The following TACC3 variants were observed in gnomAD, a reference collection of about 807,000 sequenced individuals.
TACC3 encodes transforming acidic coiled-coil-containing protein 3.
A neutral mutation model predicts 86.0 loss-of-function variants in TACC3; 52 were observed. The ratio of observed to expected loss-of-function variants is 0.60; its 90% CI spans 0.48 to 0.76. The LOEUF (loss-of-function observed/expected upper bound fraction) is 0.76. TACC3 is among the 30% of genes least tolerant of loss of function. The pLI is 0.00. For missense variants in TACC3, 1,120 were observed against 1,070.4 expected (o/e 1.05, Z -0.65); for synonymous variants, 512 against 430.0 (o/e 1.19, Z -2.36).
At position 1,728,601 on chromosome 4, in the gene TACC3, G is replaced by T. The variant is rs144517485; in HGVS notation, c.1199G>T (p.Arg400Leu). Residue 400 changes from arginine to leucine, a missense_variant, in exon 4 of 16, where the codon CGG becomes CTG. Transcript: ENST00000313288. ...GAGGACCCCCCCATGCCAGCTTCTC[G>T]GGGCTCTTACCACCTCGACTGGGAC... ...AGEDPPMPAS[R>L]GSYHLDWDKM... The T allele has an allele frequency of 8.7e-5, 141 of 1,613,908 alleles. No homozygotes were observed. The East Asian group carries it at 2.3e-3, about 26-fold the overall frequency.
At chr4:1,744,302 G>A in intron 13 of TACC3, 1 of 556,198 alleles carries the variant, frequency 1.8e-6, no homozygotes, top group Non-Finnish European at 3.2e-6. Flanking sequence ...TTCAGGCCCG[G>A]CATCTCAGGG....
At position 1,737,666 on chromosome 4, in the gene TACC3, C is replaced by A. The variant is rs1167514156; in HGVS notation, c.1905C>A (p.Asp635Glu). The A allele has an allele frequency of 1.3e-6, 2 of 1,550,334 alleles. No homozygotes were observed. The highest frequency in any genetic ancestry group is 1.7e-6 in the Non-Finnish European group (2 of 1,146,534). ...CCCTGTCCACCGGACCTATAGTGGA[C>A]CTGCTCCAGTACAGCCAGAAGGACC... ...GPPLSTGPIV[D>E]LLQYSQKDLD... Residue 635 changes from aspartate to glutamate, a missense_variant, in exon 10 of 16, where the codon GAC becomes GAA. Coordinates refer to ENST00000313288, the MANE Select transcript of TACC3 (RefSeq NM_006342.3).
chr4:1,727,745 C>T lies in TACC3; in HGVS notation c.343C>T (p.His115Tyr), dbSNP rs756315569. 6.3e-7 allele frequency: 1 copy of T among 1,598,508 alleles called. No individual in the cohort carries two copies. Among genetic ancestry groups the T allele is most frequent in the South Asian group, 1.1e-5 (1 of 89,752 alleles). Residue 115 changes from histidine (H) to tyrosine (Y), a missense_variant, in exon 4 of 16, where the codon CAT becomes TAT. Physicochemically the swap from His to Tyr is moderately conservative, Grantham distance 83. Coordinates refer to ENST00000313288, the MANE Select transcript of TACC3 (RefSeq NM_006342.3). ...LIKEVDAKTT[H>Y]GILQKPVEAD... ...CAAGGAAGTGGATGCCAAAACTACT[C>T]ATGGAATTCTACAGAAACCAGTGGA...
At chr4:1,724,718 G>A (rs1717600403) in intron 3 of TACC3, among the ~76,000 whole-genome samples, 1 of 151,672 alleles carries the variant, frequency 6.6e-6, no homozygotes, top group Non-Finnish European at 1.5e-5. Context: ...GGTGGGAAGG[G>A]ACCCCAGAGG....
At chr4:1,730,188 G>A (rs557944650) in intron 4 of TACC3, among the ~76,000 whole-genome samples, 5 of 152,206 alleles carry the variant, frequency 3.3e-5, no homozygotes, top group East Asian at 3.9e-4. Flanking sequence ...GCAGGCACCC[G>A]CCACCATGCC....
At position 1,728,275 on chromosome 4, in the gene TACC3, T is replaced by C; in HGVS notation, c.873T>C (p.Leu291=). The C allele has an allele frequency of 1.2e-6, 2 of 1,612,684 alleles. No homozygotes were observed. The highest frequency in any genetic ancestry group is 1.7e-6 in the Non-Finnish European group (2 of 1,179,968). The change falls in exon 4 of 16, where the codon CTT becomes CTC. Residue 291 remains leucine, a synonymous_variant. Transcript: ENST00000313288. ...TPVPADGTQT[L]TCAHTSAPES... ...TGCCAGCAGATGGCACTCAGACCCT[T>C]ACCTGTGCACACACCTCTGCTCCTG...
chr4:1,734,710 G>T (rs1718168213), intron 6 of TACC3, among the ~76,000 whole-genome samples: 1 of 152,002 alleles, frequency 6.6e-6, no homozygotes, highest in African/African-American at 2.4e-5. Context: ...TCCCTCCGCT[G>T]CCCAGGTTGG....
chr4:1,735,419 G>A lies in TACC3; in HGVS notation c.1644+94G>A, dbSNP rs368823923. On this transcript the variant is annotated intron_variant, in intron 7 of 15. Coordinates refer to ENST00000313288, the MANE Select transcript of TACC3 (RefSeq NM_006342.3). The surrounding 1 kb of genome is among the most constrained non-coding windows in gnomAD (Gnocchi z 4.2). ...CCCCGGAGCGTCCCTTGGTGCCCAC[G>A]TCCCCCCAGCTGCACACAGGCCCAG... The A allele has an allele frequency of 1.3e-5, 18 of 1,429,604 alleles. No homozygotes were observed. The highest frequency in any genetic ancestry group is 5.6e-5 in the African/African-American group (4 of 71,306). 88.6% of individuals were successfully genotyped at this position (1,429,604 alleles called of 1,614,324 possible).
rs59539835 is a variant in TACC3, at chr4:1,733,976, C to CAAA, written c.1592-1285_1592-1283dup. ...TGAGCAACAGAGCAAGACTCTGTCT[C>CAAA]AAAAAAAAAAAAAAGAAAAGAAAAC... On this transcript the variant is annotated intron_variant, in intron 6 of 15. Transcript: ENST00000313288. Among the ~76,000 whole-genome samples, 396 of 123,458 alleles carry CAAA rather than the reference C, an allele frequency of 3.2e-3. 3 individuals are homozygous for CAAA. The highest frequency in any genetic ancestry group is 0.013 in the Middle Eastern group (3 of 228). 81.0% of individuals were successfully genotyped at this position (123,458 alleles called of 152,430 possible).
At chr4:1,723,996 T>A in intron 3 of TACC3, 126 bp downstream of exon 3, 2 of 1,079,300 alleles carry the variant, frequency 1.9e-6, no homozygotes, top group Non-Finnish European at 2.7e-6. Flanking sequence ...TGAGATGGAG[T>A]CTCGCTCTGT....
chr4:1,730,266 T>C (rs1045709844), intron 4 of TACC3: 1 of 183,478 alleles, frequency 5.5e-6, no homozygotes, highest in East Asian at 1.5e-4. Context: ...GGTCTAGATA[T>C]GACCTCGTGA....
Position 1,737,609 on chromosome 4 carries a change from A to G in TACC3, c.1848A>G (p.Pro616=). 4 of 1,514,978 alleles carry G rather than the reference A, an allele frequency of 2.6e-6. No individual in the cohort carries two copies. Among genetic ancestry groups the G allele is most frequent in the Non-Finnish European group, 3.6e-6 (4 of 1,126,458 alleles). The allele number at this position is 1,514,978 out of a possible 1,614,324, so 93.8% of individuals were successfully genotyped here. A position where few individuals can be genotyped will look rare whatever the true frequency, so the allele number is the denominator to read the frequency against. The change falls in exon 10 of 16, where the codon CCA becomes CCG. Residue 616 remains proline (P), a synonymous_variant. Coordinates refer to ENST00000313288, the MANE Select transcript of TACC3 (RefSeq NM_006342.3). ...CCCATCTCCCGCAGGTGCCAGGCCCACCCCCAGGTGTTCCCGCGCCTGGGG... is the reference window on the plus strand; with the variant it reads ...CCCATCTCCCGCAGGTGCCAGGCCCGCCCCCAGGTGTTCCCGCGCCTGGGG... The part of the protein sequence containing the change: ...LGALDIPVPG[P]PPGVPAPGGP...
intron 8 of TACC3, among the ~76,000 whole-genome samples, chr4:1,736,059 C>G (rs1466571955): frequency 6.6e-6 from 1 of 152,262 alleles, no homozygotes; most frequent in Non-Finnish European, 1.5e-5. Context: ...TGCTGCCTTG[C>G]TGGTTACAGC....
chr4:1,727,626 AAC>A, intron 3 of TACC3, 80 bp from the exon 4 acceptor site: 1 of 1,517,434 alleles, frequency 6.6e-7, no homozygotes, highest in Non-Finnish European at 8.8e-7. Flanking sequence ...GAGAATGTTA[AAC>A]CTATGTTGAG....
At chr4:1,730,138 A>G (rs150428434) in intron 4 of TACC3, among the ~76,000 whole-genome samples, 2,933 of 152,314 alleles carry the variant, frequency 0.019, 117 homozygotes, top group African/African-American at 0.066. Context: ...TCCCGGGTTC[A>G]CACCATTCTC....
intron 9 of TACC3, 80 bp downstream of exon 9, chr4:1,737,408 T>G (rs1418811935): frequency 5.0e-6 from 7 of 1,402,620 alleles, no homozygotes; most frequent in Non-Finnish European, 7.0e-6. Flanking sequence ...TATTTTCTAT[T>G]CCTGGGGGTC....
chr4:1,723,836 G>C lies in TACC3; in HGVS notation c.271G>C (p.Glu91Gln). 2 of 1,613,592 alleles carry C rather than the reference G, an allele frequency of 1.2e-6. No homozygotes were observed. Among genetic ancestry groups the C allele is most frequent in the Non-Finnish European group, 1.7e-6 (2 of 1,180,002 alleles). ...CACTCAGGATGACACCCTTGGACTG[G>C]AAAACTCACACCCGGTCTGGACACA... Reference protein sequence around the residue: ...PFTQDDTLGLENSHPVWTQKE... With the variant: ...PFTQDDTLGLQNSHPVWTQKE... Residue 91 changes from glutamate to glutamine, a missense_variant, in exon 3 of 16, where the codon GAA becomes CAA. Coordinates refer to ENST00000313288, the MANE Select transcript of TACC3 (RefSeq NM_006342.3).
At chr4:1,742,851 C>G (rs184964894) in intron 13 of TACC3, among the ~76,000 whole-genome samples, 2 of 151,378 alleles carry the variant, frequency 1.3e-5, no homozygotes, top group Admixed American at 1.3e-4. Flanking sequence ...ACCTATAGTC[C>G]CAGCTACTCA....
upstream of TACC3, chr4:1,720,805 G>A (rs773053088): frequency 6.3e-7 from 1 of 1,594,928 alleles, no homozygotes; most frequent in Non-Finnish European, 8.5e-7. This position sits in a 1 kb window ranked among gnomAD's most constrained non-coding sequence, Gnocchi z 4.4. Context: ...ACACCAGATA[G>A]GCGAGAGTGA....
Sources: gnomAD v4.1 joint callset for allele counts (sites outside exome capture counted in the v4.1 genomes callset) on GRCh38, gnomAD v4.1.1 for gene constraint, Gnocchi (gnomAD v3.1) non-coding constraint, MANE v1.5 for transcripts, NCBI Gene and HGNC (gene_info 2026-07-23, HGNC 2026-07-21) for gene names.